Variants in FBXL20 observed in about 807,000 individuals in gnomAD.
The protein encoded by FBXL20 is F-box/LRR-repeat protein 20.
A neutral mutation model predicts 64.0 loss-of-function variants in FBXL20; 11 were observed. The ratio of observed to expected loss-of-function variants is 0.17; its 90% CI spans 0.11 to 0.28. FBXL20 has a LOEUF of 0.28. FBXL20 is among the 10% of genes least tolerant of loss of function. The probability of loss-of-function intolerance (pLI) is 1.00; values close to 1 mark genes in which losing one functional copy is unlikely to be tolerated. For missense variants in FBXL20, 303 were observed against 526.2 expected (o/e 0.58, Z 4.15); for synonymous variants, 184 against 189.0 (o/e 0.97, Z 0.22).
intron 1 of FBXL20, among the ~76,000 whole-genome samples, chr17:39,360,507 G>A (rs370534286): frequency 4.6e-5 from 7 of 152,064 alleles, no homozygotes; most frequent in African/African-American, 7.2e-5. Flanking sequence ...ATTTGGTTAC[G>A]GTAGTAACAG....
intron 6 of FBXL20, among the ~76,000 whole-genome samples, chr17:39,295,899 G>A (rs2047081268): frequency 6.6e-6 from 1 of 151,566 alleles, no homozygotes. Context: ...ATCATCCAGA[G>A]TATTATATAT....
chr17:39,357,514 T>A (rs149416400), intron 1 of FBXL20, among the ~76,000 whole-genome samples: 22 of 152,316 alleles, frequency 1.4e-4, no homozygotes, highest in Admixed American at 7.2e-4. Context: ...CCTTCTGGTA[T>A]CTTAAACAGT....
intron 9 of FBXL20, among the ~76,000 whole-genome samples, chr17:39,278,792 G>A (rs1038653662): frequency 1.1e-4 from 14 of 123,300 alleles, no homozygotes; most frequent in African/African-American, 3.0e-4. Context: ...ACGATCCACC[G>A]TCTCGGCCTC....
intron 1 of FBXL20, among the ~76,000 whole-genome samples, chr17:39,352,832 A>C (rs1449190604): frequency 6.6e-6 from 1 of 152,154 alleles, no homozygotes; most frequent in African/African-American, 2.4e-5. Context: ...TATATACAGA[A>C]TTCCCAATTC....
intron 1 of FBXL20, among the ~76,000 whole-genome samples, chr17:39,360,214 T>C (rs2047781227): frequency 6.6e-6 from 1 of 152,134 alleles, no homozygotes; most frequent in Non-Finnish European, 1.5e-5. Context: ...TAGTGGTGGT[T>C]GGCAGGGGCT....
chr17:39,326,912 C>T (rs1321707120), intron 2 of FBXL20, among the ~76,000 whole-genome samples: 5 of 145,906 alleles, frequency 3.4e-5, no homozygotes, highest in Non-Finnish European at 7.5e-5. Flanking sequence ...AACAGGATCT[C>T]ACTCTGTCAC....
At chr17:39,313,368 GAATTACA>G (rs1352690775) in intron 2 of FBXL20, among the ~76,000 whole-genome samples, 1 of 151,782 alleles carries the variant, frequency 6.6e-6, no homozygotes, top group African/African-American at 2.4e-5. Flanking sequence ...CAAGTAGCTG[GAATTACA>G]GGCGCCTGCC....
chr17:39,371,661 TTTC>T (rs2047919561), intron 1 of FBXL20, among the ~76,000 whole-genome samples: 1 of 151,698 alleles, frequency 6.6e-6, no homozygotes, highest in South Asian at 2.1e-4. Flanking sequence ...TGTTTACTTT[TTTC>T]TTTTTTTTTT....
chr17:39,322,435 T>C (rs2047365806), intron 2 of FBXL20, among the ~76,000 whole-genome samples: 2 of 152,188 alleles, frequency 1.3e-5, no homozygotes, highest in Non-Finnish European at 2.9e-5. Flanking sequence ...ATACATAAAC[T>C]GAGTATTAAA....
At chr17:39,276,939 A>G (rs1302081548) in intron 9 of FBXL20, among the ~76,000 whole-genome samples, 3 of 152,190 alleles carry the variant, frequency 2.0e-5, no homozygotes, top group Admixed American at 2.0e-4. Flanking sequence ...AAACAAAAAA[A>G]AGGAAAGTTA....
intron 1 of FBXL20, among the ~76,000 whole-genome samples, chr17:39,365,997 A>C (rs35051623): frequency 6.8e-6 from 1 of 147,604 alleles, no homozygotes; most frequent in African/African-American, 2.5e-5. Context: ...ATTTAAAAAA[A>C]TTTTTTTTTT....
At chr17:39,339,157 C>A (rs1412408711) in intron 2 of FBXL20, among the ~76,000 whole-genome samples, 3 of 133,462 alleles carry the variant, frequency 2.2e-5, no homozygotes, top group East Asian at 4.1e-4. Flanking sequence ...GACAGTGAGA[C>A]CCTGTCTCAA....
chr17:39,349,487 T>C (rs1048548288), intron 1 of FBXL20, among the ~76,000 whole-genome samples: 6 of 151,446 alleles, frequency 4.0e-5, no homozygotes, highest in Non-Finnish European at 7.4e-5. Context: ...CCTTGGAAGG[T>C]TGAGGCAGGA....
chr17:39,391,788 C>T (rs190802707), intron 1 of FBXL20, among the ~76,000 whole-genome samples: 31 of 151,968 alleles, frequency 2.0e-4, no homozygotes, highest in Admixed American at 4.6e-4. Context: ...CGTTTATTTG[C>T]TACAAACCAC....
At chr17:39,289,848 A>T (rs536497634) in intron 6 of FBXL20, among the ~76,000 whole-genome samples, 1 of 151,748 alleles carries the variant, frequency 6.6e-6, no homozygotes, top group South Asian at 2.1e-4. Context: ...TACAAACAAA[A>T]ATTAGCCAGG....
At chr17:39,353,604 T>TTATA (rs1334456044) in intron 1 of FBXL20, among the ~76,000 whole-genome samples, 2 of 130,924 alleles carry the variant, frequency 1.5e-5, no homozygotes, top group African/African-American at 7.6e-5. Context: ...TACACCTTAT[T>TTATA]TATTTATTTA....
intron 1 of FBXL20, among the ~76,000 whole-genome samples, chr17:39,381,314 C>T (rs754036200): frequency 1.3e-5 from 2 of 149,000 alleles, no homozygotes; most frequent in Non-Finnish European, 3.0e-5. Flanking sequence ...CTCATCTCCA[C>T]AAAAAAATAC....
At chr17:39,376,599 G>A (rs779231830) in intron 1 of FBXL20, among the ~76,000 whole-genome samples, 1 of 152,192 alleles carries the variant, frequency 6.6e-6, no homozygotes, top group Non-Finnish European at 1.5e-5. Context: ...GTTGTAAACT[G>A]ACTGGCCGTG....
intron 2 of FBXL20, among the ~76,000 whole-genome samples, chr17:39,314,203 T>G (rs1203593114): frequency 1.3e-5 from 2 of 152,220 alleles, no homozygotes; most frequent in East Asian, 3.8e-4. Flanking sequence ...GACTTTTGTG[T>G]TGGCTTTCAC....
Sources: gnomAD v4.1 joint callset for allele counts (sites outside exome capture counted in the v4.1 genomes callset) on GRCh38, gnomAD v4.1.1 for gene constraint, MANE v1.5 for transcripts, NCBI Gene and HGNC (gene_info 2026-07-23, HGNC 2026-07-21) for gene names.